CRACD: variants seen among roughly 807,000 people sequenced by gnomAD.
The protein encoded by CRACD is capping protein-inhibiting regulator of actin dynamics.
Under a neutral mutation model 106.8 loss-of-function variants are expected in CRACD, and 56 were observed. The observed-to-expected ratio is 0.52, with a 90% CI of 0.42 to 0.66. CRACD has a LOEUF of 0.66. Among genes scored for constraint, CRACD ranks in the 30% least tolerant of loss-of-function variants. CRACD has a pLI of 0.00. For synonymous variants in CRACD, 754 were observed against 670.8 expected (o/e 1.12, Z -1.92); for missense variants, 1,730 against 1,623.2 (o/e 1.07, Z -1.13).
chr4:56,203,859 G>A (rs548105203), intron 2 of CRACD, among the ~76,000 whole-genome samples: 10 of 152,194 alleles, frequency 6.6e-5, no homozygotes, highest in South Asian at 2.1e-4. Context: ...TCCAATCCTC[G>A]TTTTCTTTGC....
chr4:56,310,750 C>T lies in CRACD; in HGVS notation c.354+16C>T, dbSNP rs1323993441. On this transcript the variant is annotated intron_variant, in intron 6 of 10. Transcript: ENST00000682029. ...GGAAGAGAAGGTAATATGATTTGAA[C>T]TTATTTATTTGGCTTCTTTCCTTAC... The T allele has an allele frequency of 1.9e-6, 3 of 1,553,154 alleles. No homozygotes were observed. Among genetic ancestry groups the T allele is most frequent in the Middle Eastern group, 1.7e-4 (1 of 5,948 alleles).
At chr4:56,283,587 A>C (rs1418177388) in intron 3 of CRACD, among the ~76,000 whole-genome samples, 1 of 152,048 alleles carries the variant, frequency 6.6e-6, no homozygotes, top group Non-Finnish European at 1.5e-5. Flanking sequence ...TAGGACTTTG[A>C]CTTGGCAGGT....
In CRACD at chr4:56,231,741, C is replaced by A. The variant is rs186720220; in HGVS notation, c.-188-40580C>A. Reference sequence around the variant, plus strand: ...GGAAAAACCAAGTCAGGATAGGGAGCATGAGAAGAATTCTAGATGCTGCTG... The same window carrying A: ...GGAAAAACCAAGTCAGGATAGGGAGAATGAGAAGAATTCTAGATGCTGCTG... On this transcript the variant is annotated intron_variant, in intron 2 of 10. Transcript: ENST00000682029. 3.9e-5 allele frequency among the ~76,000 whole-genome samples: 6 copies of A among 152,306 alleles called. No homozygotes were observed. In the East Asian group the frequency reaches 1.2e-3, roughly 29 times the overall value.
chr4:56,178,108 A>C (rs1408501016), intron 1 of CRACD, among the ~76,000 whole-genome samples: 2 of 152,080 alleles, frequency 1.3e-5, no homozygotes, highest in East Asian at 3.9e-4. Context: ...TGTTGATGAG[A>C]TTGTGTAAAC....
chr4:56,066,958 G>A (rs1343527985), intron 1 of CRACD, among the ~76,000 whole-genome samples: 1 of 152,146 alleles, frequency 6.6e-6, no homozygotes, highest in East Asian at 1.9e-4. Flanking sequence ...AGACAATGGA[G>A]AGTAAAGATC....
At chr4:56,303,239 G>C (rs971565570) in intron 4 of CRACD, among the ~76,000 whole-genome samples, 4 of 152,136 alleles carry the variant, frequency 2.6e-5, no homozygotes, top group African/African-American at 9.7e-5. Flanking sequence ...CAGCTACTCG[G>C]GAGGCTGAGG....
rs1320316381 is a variant in CRACD, at chr4:56,315,424, G to T, written c.1922G>T (p.Gly641Val). 6.2e-7 allele frequency: 1 copy of T among 1,612,674 alleles called. No homozygotes were observed. The highest frequency in any genetic ancestry group is 1.1e-5 in the South Asian group (1 of 91,044). The change falls in exon 8 of 11, where the codon GGC becomes GTC. Residue 641 changes from glycine to valine, a missense_variant. Gly to Val is a moderately radical substitution (Grantham distance 109, BLOSUM62 -3). Coordinates refer to ENST00000682029, the MANE Select transcript of CRACD (RefSeq NM_001393381.1). This position sits in a 1 kb window ranked among gnomAD's most constrained non-coding sequence, Gnocchi z 4.1. Reference protein sequence around the residue: ...EAPAGENPPRGPGDARAGSGK... With the variant: ...EAPAGENPPRVPGDARAGSGK... Reference sequence around the variant, plus strand: ...CCAGCTGGGGAGAACCCTCCCCGAGGCCCCGGCGACGCGAGGGCGGGCAGC... The same window carrying T: ...CCAGCTGGGGAGAACCCTCCCCGAGTCCCCGGCGACGCGAGGGCGGGCAGC...
At chr4:56,284,292 T>TAA (rs59270238) in intron 3 of CRACD, among the ~76,000 whole-genome samples, 30,141 of 45,122 alleles carry the variant, frequency 0.67, 11,572 homozygotes, top group Middle Eastern at 0.82. Flanking sequence ...CATCCTAAAG[T>TAA]AAAAAAAAAA....
chr4:56,261,265 C>A (rs989043416), intron 2 of CRACD, among the ~76,000 whole-genome samples: 3 of 152,094 alleles, frequency 2.0e-5, no homozygotes, highest in Admixed American at 6.6e-5. Context: ...GAAGGAAACA[C>A]AACCCACACA....
At chr4:56,207,744 T>TTATATATATA (rs1738196741) in intron 2 of CRACD, among the ~76,000 whole-genome samples, 2 of 71,152 alleles carry the variant, frequency 2.8e-5, no homozygotes, top group Non-Finnish European at 2.5e-5. Context: ...ACTTGTTTTC[T>TTATATATATA]CATATATATA....
chr4:56,107,438 A>G (rs1733986390), intron 1 of CRACD, among the ~76,000 whole-genome samples: 1 of 152,214 alleles, frequency 6.6e-6, no homozygotes, highest in Non-Finnish European at 1.5e-5. Context: ...ATACATGCTT[A>G]GTAAATTTTA....
chr4:56,228,698 G>T (rs1739452197), intron 2 of CRACD, among the ~76,000 whole-genome samples: 1 of 151,904 alleles, frequency 6.6e-6, no homozygotes, highest in Admixed American at 6.6e-5. Flanking sequence ...AAATCGGAGA[G>T]AAGGTCAGAC....
intron 1 of CRACD, among the ~76,000 whole-genome samples, chr4:56,140,799 A>G (rs1354613230): frequency 6.6e-6 from 1 of 152,172 alleles, no homozygotes; most frequent in Non-Finnish European, 1.5e-5. Context: ...TATTTTAACA[A>G]CCACTCTTTT....
At chr4:56,294,651 C>T (rs929916888) in intron 3 of CRACD, among the ~76,000 whole-genome samples, 13 of 152,030 alleles carry the variant, frequency 8.6e-5, no homozygotes, top group South Asian at 2.1e-4. Context: ...TGGCGGCTCA[C>T]GCCTATAATC....
Position 56,310,713 on chromosome 4 carries a change from T to C in CRACD, c.333T>C (p.Ala111=), listed in dbSNP as rs893620136. 8.1e-6 allele frequency: 13 copies of C among 1,610,192 alleles called. No homozygotes were observed. Among genetic ancestry groups the C allele is most frequent in the Non-Finnish European group, 1.1e-5 (13 of 1,176,482 alleles). The change falls in exon 6 of 11, where the codon GCT becomes GCC. Residue 111 remains alanine, a synonymous_variant. Coordinates refer to ENST00000682029, the MANE Select transcript of CRACD (RefSeq NM_001393381.1). ...SSLSPLNLPG[A]GSEMEEKVAP... ...TAAGTCCTCTGAATCTCCCTGGAGC[T>C]GGAAGTGAGATGGAAGAGAAGGTAA...
At chr4:56,326,690 G>T (rs1228470228) in intron 10 of CRACD, among the ~76,000 whole-genome samples, 1 of 151,706 alleles carries the variant, frequency 6.6e-6, no homozygotes, top group African/African-American at 2.4e-5. Context: ...GGCAGGATCT[G>T]TGAGACTCAG....
At chr4:56,272,998 T>G (rs1157487224) in intron 3 of CRACD, among the ~76,000 whole-genome samples, 1 of 151,962 alleles carries the variant, frequency 6.6e-6, no homozygotes, top group Admixed American at 6.6e-5. Flanking sequence ...AGTTATCAAA[T>G]GAGTCTGACC....
intron 2 of CRACD, among the ~76,000 whole-genome samples, chr4:56,266,719 A>T (rs552236506): frequency 1.7e-4 from 26 of 152,354 alleles, no homozygotes; most frequent in African/African-American, 6.3e-4. Flanking sequence ...GCTACTGATG[A>T]CCATGTACTT....
chr4:56,148,248 GTGGTAC>G (rs1376415111), intron 1 of CRACD, among the ~76,000 whole-genome samples: 2 of 151,150 alleles, frequency 1.3e-5, no homozygotes, highest in Non-Finnish European at 2.9e-5. Flanking sequence ...TGGATATGAA[GTGGTAC>G]CTCATTGTGC....
Sources: allele counts gnomAD v4.1 joint callset (sites outside exome capture counted in the v4.1 genomes callset), GRCh38; gene constraint gnomAD v4.1.1; non-coding constraint Gnocchi (gnomAD v3.1); transcripts MANE v1.5; gene names NCBI Gene and HGNC (gene_info 2026-07-23, HGNC 2026-07-21).